The following CD164L2 variants were observed in gnomAD, a reference collection of about 807,000 sequenced individuals.
The protein encoded by CD164L2 is CD164 sialomucin-like 2 protein.
CD164L2 carries 21 observed loss-of-function variants against 23.9 expected under a neutral mutation model. The observed-to-expected ratio is 0.88, with a 90% CI of 0.62 to 1.27. CD164L2 has a LOEUF of 1.27. CD164L2 is among the 50% of genes most tolerant of loss of function. The pLI, the probability that CD164L2 is intolerant of heterozygous loss-of-function variation, is 0.00. For missense variants in CD164L2, 230 were observed against 224.8 expected, an observed-to-expected ratio of 1.02 and a Z score of -0.15; for synonymous variants, 92 against 90.2, an observed-to-expected ratio of 1.02 and a Z score of -0.11.
intron 5 of CD164L2, chr1:27,379,721 C>T (rs2016303209): frequency 1.4e-6 from 2 of 1,450,890 alleles, no homozygotes; most frequent in Non-Finnish European, 1.8e-6. Flanking sequence ...AGCTCCTGCC[C>T]ACAGCCACAG....
intron 4 of CD164L2, 24 bp downstream of exon 4, chr1:27,381,756 G>A: frequency 6.2e-7 from 1 of 1,613,110 alleles, no homozygotes; most frequent in Non-Finnish European, 8.5e-7. Context: ...TCCTCCCACT[G>A]CCCCGTCTCC....
rs1372989783 is a variant in CD164L2, at chr1:27,382,576, AC to A, written c.179del (p.Cys60LeufsTer91). ...CTCCGTCTCCCTCCACGCAGTGCTCACAGACCTCCAGCTGTTTGCAGGCCCC... is the reference window on the plus strand; with the variant it reads ...CTCCGTCTCCCTCCACGCAGTGCTCAAGACCTCCAGCTGTTTGCAGGCCCC... ...VQGACKQLEV[C>X]EHCVEGDGAR... On this transcript the variant is annotated frameshift_variant, in exon 2 of 6. Transcript: ENST00000374030. LOFTEE classifies it high-confidence loss of function. The A allele has an allele frequency of 6.2e-7, 1 of 1,613,462 alleles. No homozygotes were observed. The highest frequency in any genetic ancestry group is 8.5e-7 in the Non-Finnish European group (1 of 1,179,920).
chr1:27,381,868 CT>C (rs2016340810), intron 3 of CD164L2, 44 bp from the exon 4 acceptor site: 6 of 1,611,910 alleles, frequency 3.7e-6, no homozygotes, highest in East Asian at 4.5e-5. Flanking sequence ...TTCCCACCCC[CT>C]GACTCCCATC....
At chr1:27,379,741 C>T in intron 5 of CD164L2, 1 of 1,444,410 alleles carries the variant, frequency 6.9e-7, no homozygotes, top group South Asian at 1.5e-5. Context: ...GAAACGCGGG[C>T]CACAGGCTTG....
chr1:27,383,262 C>G lies in CD164L2; in HGVS notation c.-23G>C, dbSNP rs1345579805. 10 of 1,267,150 alleles carry G rather than the reference C, an allele frequency of 7.9e-6. No individual in the cohort carries two copies. The highest frequency in any genetic ancestry group is 3.0e-5 in the African/African-American group (2 of 67,688). The allele number at this position is 1,267,150 out of a possible 1,614,324, so 78.5% of individuals were successfully genotyped here. A position where few individuals can be genotyped will look rare whatever the true frequency, so the allele number is the denominator to read the frequency against. On this transcript the variant is annotated 5_prime_UTR_variant, in exon 1 of 6. Transcript: ENST00000374030. ...CATGGGCTCGCGGGGTGGGGGTGGC[C>G]GGGGGCGGTGGCCGGGATCGGTGGA...
intron 3 of CD164L2, 54 bp downstream of exon 3, chr1:27,382,273 AG>A (rs1383420380): frequency 6.2e-7 from 1 of 1,614,106 alleles, no homozygotes. Flanking sequence ...CCTGGGGGGC[AG>A]GCTATGGCTG....
intron 1 of CD164L2, 48 bp from the exon 2 acceptor site, chr1:27,382,715 G>C: frequency 6.6e-7 from 1 of 1,521,022 alleles, no homozygotes; most frequent in Non-Finnish European, 8.8e-7. Context: ...AAGCCAAGCT[G>C]TGGCACCCGC....
At chr1:27,380,814 G>A (rs1472143378) in intron 4 of CD164L2, among the ~76,000 whole-genome samples, 3 of 152,226 alleles carry the variant, frequency 2.0e-5, no homozygotes, top group Non-Finnish European at 2.9e-5. Flanking sequence ...CTTGGCCAAA[G>A]TCACCTCACA....
chr1:27,380,007 A>G, intron 5 of CD164L2, 44 bp downstream of exon 5: 9 of 1,604,066 alleles, frequency 5.6e-6, no homozygotes, highest in Non-Finnish European at 7.7e-6. Context: ...AGGAACCAGG[A>G]GGTAAGCTGG....
intron 1 of CD164L2, among the ~76,000 whole-genome samples, 184 bp from the exon 2 acceptor site, chr1:27,382,851 C>G (rs2016366577): frequency 2.0e-5 from 3 of 151,886 alleles, no homozygotes; most frequent in Admixed American, 6.6e-5. Flanking sequence ...TCTACACACA[C>G]CTAGAGCCTC....
At position 27,379,383 on chromosome 1, in the gene CD164L2, A is replaced by C; in HGVS notation, c.*120T>G. 1 of 929,818 alleles carries C rather than the reference A, an allele frequency of 1.1e-6. No individual in the cohort carries two copies. The highest frequency in any genetic ancestry group is 1.7e-6 in the Non-Finnish European group (1 of 587,978). The allele number at this position is 929,818 out of a possible 1,614,324, so 57.6% of individuals were successfully genotyped here. A position where few individuals can be genotyped will look rare whatever the true frequency, so the allele number is the denominator to read the frequency against. On this transcript the variant is annotated 3_prime_UTR_variant, in exon 6 of 6. Coordinates refer to ENST00000374030, the MANE Select transcript of CD164L2 (RefSeq NM_001330448.1). ...ACTGAGCCTGCTTGGTGCCCGCAGGAGCCAAAAACTGGCGGCCAGAGTTTT... is the reference window on the plus strand; with the variant it reads ...ACTGAGCCTGCTTGGTGCCCGCAGGCGCCAAAAACTGGCGGCCAGAGTTTT...
chr1:27,379,258 G>A lies in CD164L2; in HGVS notation c.*245C>T. The A allele has an allele frequency of 1.7e-6, 1 of 586,152 alleles. No individual in the cohort carries two copies. The highest frequency in any genetic ancestry group is 2.8e-5 in the East Asian group (1 of 35,248). The allele number at this position is 586,152 out of a possible 1,614,324, so 36.3% of individuals were successfully genotyped here. A position where few individuals can be genotyped will look rare whatever the true frequency, so the allele number is the denominator to read the frequency against. On this transcript the variant is annotated 3_prime_UTR_variant, in exon 6 of 6. Transcript: ENST00000374030. ...CAGGCATACAACCCACTGTCAGGCT[G>A]GGGGGCCCAGCAGGGGCGATGGAGG...
chr1:27,382,678 G>A lies in CD164L2; in HGVS notation c.89-11C>T. 3 of 1,601,952 alleles carry A rather than the reference G, an allele frequency of 1.9e-6. No homozygotes were observed. Among genetic ancestry groups the A allele is most frequent in the African/African-American group, 2.7e-5 (2 of 74,552 alleles). ...CTCGAGCTCCTTTACCTGGTAGTGC[G>A]GTGGAGTGGGAAGGGAGAATTCCTC... On this transcript the variant is annotated splice_polypyrimidine_tract_variant and intron_variant, in intron 1 of 5. Transcript: ENST00000374030.
Position 27,382,609 on chromosome 1 carries a change from C to A in CD164L2, c.147G>T (p.Ala49=), listed in dbSNP as rs561233778. ...CCAGCTGTTTGCAGGCCCCTTGGACCGCCGGCCAGATATTCAGGCGGATCA... is the reference window on the plus strand; with the variant it reads ...CCAGCTGTTTGCAGGCCCCTTGGACAGCCGGCCAGATATTCAGGCGGATCA... ...GALIRLNIWP[A]VQGACKQLEV... is the part of the protein sequence containing the mutation. The change falls in exon 2 of 6, where the codon GCG becomes GCT. Residue 49 remains alanine, a synonymous_variant. Coordinates refer to ENST00000374030, the MANE Select transcript of CD164L2 (RefSeq NM_001330448.1). The A allele has an allele frequency of 6.2e-7, 1 of 1,613,202 alleles. No homozygotes were observed. Among genetic ancestry groups the A allele is most frequent in the East Asian group, 2.2e-5 (1 of 44,880 alleles).
Position 27,383,178 on chromosome 1 carries a change from A to C in CD164L2, c.62T>G (p.Leu21Arg). ...AGCCACAGCCAGCTGGGCACATAGG[A>C]GGAGGCAGCAACAGCCGCCACAGAG... The part of the protein sequence containing the change: ...TALCGGCCCL[L>R]LCAQLAVAGK... Residue 21 changes from leucine to arginine, a missense_variant, in exon 1 of 6, where the codon CTC (leucine) becomes CGC (arginine). Physicochemically the swap from Leu to Arg is moderately radical, Grantham distance 102. Transcript: ENST00000374030. 3 of 1,548,358 alleles carry C rather than the reference A, an allele frequency of 1.9e-6. No individual in the cohort carries two copies. Among genetic ancestry groups the C allele is most frequent in the Non-Finnish European group, 1.7e-6 (2 of 1,146,792 alleles).
At position 27,381,879 on chromosome 1, in the gene CD164L2, C is replaced by T. The variant is rs184941806; in HGVS notation, c.329-55G>A. ...AGCCTTCCCACCCCCTGACTCCCAT[C>T]AAGACCCCAGCCCCCACTCACCGCT... On this transcript the variant is annotated intron_variant, in intron 3 of 5. Transcript: ENST00000374030. 139 of 1,606,394 alleles carry T rather than the reference C, an allele frequency of 8.7e-5. No homozygotes were observed. The African/African-American group carries it at 1.6e-3, about 19-fold the overall frequency.
chr1:27,382,062 C>T (rs1553145766), intron 3 of CD164L2: 3 of 1,473,864 alleles, frequency 2.0e-6, no homozygotes, highest in African/African-American at 1.4e-5. Context: ...CCTCTCATTC[C>T]CTCTGAACTT....
At position 27,380,089 on chromosome 1, in the gene CD164L2, C is replaced by T. The variant is rs1487288442; in HGVS notation, c.480G>A (p.Leu160=). The change falls in exon 5 of 6, where the codon CTG becomes CTA. Residue 160 remains leucine (L), a synonymous_variant. Transcript: ENST00000374030. ...LSLQAVAFFV[L]HFLKAKDSTY... is the part of the protein sequence containing the mutation. ...TGCTGTCCTTGGCCTTGAGGAAGTG[C>T]AGCACAAAGAAAGCCACCGCCTGTA... 3 of 1,613,924 alleles carry T rather than the reference C, an allele frequency of 1.9e-6. No homozygotes were observed. Among genetic ancestry groups the T allele is most frequent in the African/African-American group, 2.7e-5 (2 of 74,890 alleles).
chr1:27,380,314 AC>A, intron 4 of CD164L2, 119 bp from the exon 5 acceptor site: 1 of 908,318 alleles, frequency 1.1e-6, no homozygotes, highest in Non-Finnish European at 1.7e-6. Context: ...GGGTGCTTAA[AC>A]CCTGGGCTCC....
Sources: gnomAD v4.1 joint callset for allele counts (sites outside exome capture counted in the v4.1 genomes callset) on GRCh38, gnomAD v4.1.1 for gene constraint, MANE v1.5 for transcripts, NCBI Gene and HGNC (gene_info 2026-07-23, HGNC 2026-07-21) for gene names.